The following ATXN2 variants were observed in gnomAD, a reference collection of about 807,000 sequenced individuals.
ATXN2 encodes the protein ataxin-2.
A neutral mutation model predicts 138.6 loss-of-function variants in ATXN2; 37 were observed. The observed-to-expected ratio is 0.27, with a 90% CI of 0.21 to 0.35. The LOEUF (loss-of-function observed/expected upper bound fraction) is 0.35, where lower values mean the gene tolerates loss of function less well. ATXN2 is among the 10% of genes least tolerant of loss of function. The pLI, the probability that ATXN2 is intolerant of heterozygous loss-of-function variation, is 1.00. For missense variants in ATXN2, 1,216 were observed against 1,480.3 expected (o/e 0.82, Z 2.93); for synonymous variants, 549 against 543.7 (o/e 1.01, Z -0.13).
chr12:111,591,258 C>T (rs577378792), intron 1 of ATXN2, among the ~76,000 whole-genome samples: 1 of 152,244 alleles, frequency 6.6e-6, no homozygotes, highest in African/African-American at 2.4e-5. Context: ...AAACCGGTCC[C>T]TAGTGTTAAA....
chr12:111,454,072 C>T, intron 23 of ATXN2: 2 of 483,632 alleles, frequency 4.1e-6, no homozygotes, highest in Non-Finnish European at 7.3e-6. Flanking sequence ...AACAAGTGAG[C>T]CTGGGTAGAA....
At chr12:111,465,224 A>C (rs1875904420) in intron 20 of ATXN2, among the ~76,000 whole-genome samples, 1 of 152,132 alleles carries the variant, frequency 6.6e-6, no homozygotes, top group South Asian at 2.1e-4. Flanking sequence ...GTGTATTTAA[A>C]TACACCTGGA....
intron 14 of ATXN2, among the ~76,000 whole-genome samples, chr12:111,491,616 C>T (rs1226649317): frequency 6.6e-6 from 1 of 152,202 alleles, no homozygotes; most frequent in Non-Finnish European, 1.5e-5. Context: ...GGCCATAGCT[C>T]CCAGATGACA....
At chr12:111,567,190 C>A (rs1237515184) in intron 1 of ATXN2, among the ~76,000 whole-genome samples, 1 of 152,086 alleles carries the variant, frequency 6.6e-6, no homozygotes, top group African/African-American at 2.4e-5. Context: ...GTTGAAATGA[C>A]AACAAAAGAT....
Position 111,453,177 on chromosome 12 carries a change from C to T in ATXN2, c.3440-337G>A. On this transcript the variant is annotated intron_variant, in intron 24 of 24. Transcript: ENST00000673436. This position sits in a 1 kb window ranked among gnomAD's most constrained non-coding sequence, Gnocchi z 5.4. ...GTCAGACTGTGAAGTATCGCCATGG[C>T]AGCCATCAAGTAGTAGAGCACAATC... 8.8e-7 allele frequency: 1 copy of T among 1,135,124 alleles called. No individual in the cohort carries two copies. The highest frequency in any genetic ancestry group is 1.1e-6 in the Non-Finnish European group (1 of 924,754). 70.3% of individuals were successfully genotyped at this position (1,135,124 alleles called of 1,614,324 possible). A position where few individuals can be genotyped will look rare whatever the true frequency, so the allele number is the denominator to read the frequency against.
chr12:111,503,666 T>C (rs1341466715), intron 14 of ATXN2, among the ~76,000 whole-genome samples: 2 of 151,994 alleles, frequency 1.3e-5, no homozygotes, highest in African/African-American at 4.8e-5. Context: ...CTCGGATCAC[T>C]GCAACCTCCA....
chr12:111,495,201 G>C (rs1878333745), intron 14 of ATXN2, among the ~76,000 whole-genome samples: 1 of 151,878 alleles, frequency 6.6e-6, no homozygotes, highest in South Asian at 2.1e-4. Context: ...CCAGCTACTT[G>C]GGAGGCTGAG....
intron 21 of ATXN2, chr12:111,458,154 T>C (rs1326949762): frequency 1.3e-5 from 2 of 150,164 alleles, no homozygotes; most frequent in East Asian, 3.9e-4. Context: ...TTTTTGTTTT[T>C]TGTTTTTTTT....
chr12:111,488,647 C>T lies in ATXN2; in HGVS notation c.2069G>A (p.Ser690Asn), dbSNP rs757935641. The T allele has an allele frequency of 1.2e-5, 19 of 1,614,134 alleles. No homozygotes were observed. Among genetic ancestry groups the T allele is most frequent in the Non-Finnish European group, 1.5e-5 (18 of 1,180,006 alleles). Residue 690 changes from serine to asparagine, a missense_variant, in exon 15 of 25, where the codon AGC becomes AAC. Physicochemically the swap from Ser to Asn is conservative, Grantham distance 46 (BLOSUM62 1). Transcript: ENST00000673436. ...AKDSFIENSSSNCTSGSSKPN... is the reference protein window; with the variant it reads ...AKDSFIENSSNNCTSGSSKPN... ...CTTGCTGCTGCCACTGGTACAGTTG[C>T]TGCTGCTATTTTCAATGAAAGAATC...
At chr12:111,475,029 C>A (rs890328322) in intron 18 of ATXN2, among the ~76,000 whole-genome samples, 1 of 151,968 alleles carries the variant, frequency 6.6e-6, no homozygotes, top group South Asian at 2.1e-4. Context: ...CTGGCTAACA[C>A]GGTGAAACCC....
chr12:111,518,282 T>C lies in ATXN2; in HGVS notation c.1132A>G (p.Asn378Asp). 1 of 1,610,178 alleles carries C rather than the reference T, an allele frequency of 6.2e-7. No individual in the cohort carries two copies. Among genetic ancestry groups the C allele is most frequent in the South Asian group, 1.1e-5 (1 of 90,436 alleles). The change falls in exon 9 of 25, where the codon AAT becomes GAT. Residue 378 changes from asparagine to aspartate, a missense_variant. Asn to Asp is a conservative substitution (Grantham distance 23, BLOSUM62 1). This residue lies in a region of ATXN2 where 401 missense variants were observed against 528.1 expected (regional missense o/e 0.76). Transcript: ENST00000673436. ...STSHTSDFNP[N>D]SGSDQRVVNG... ...ACTACTCTTTGGTCTGAACCAGAAT[T>C]CGGGTTGAAATCTGAAGTGTGAGAA... is the stretch of plus-strand genomic sequence containing the variant.
intron 20 of ATXN2, among the ~76,000 whole-genome samples, chr12:111,465,625 C>T (rs1170942988): frequency 1.3e-5 from 2 of 151,712 alleles, no homozygotes; most frequent in African/African-American, 4.8e-5. Flanking sequence ...CAAAAATTGG[C>T]CGGTCGTGGT....
chr12:111,554,459 C>T (rs1377214437), intron 2 of ATXN2, among the ~76,000 whole-genome samples: 1 of 152,052 alleles, frequency 6.6e-6, no homozygotes, highest in Non-Finnish European at 1.5e-5. Flanking sequence ...TTATTTGTTG[C>T]AAAATGTTTA....
intron 1 of ATXN2, among the ~76,000 whole-genome samples, chr12:111,561,369 C>T (rs1882678621): frequency 6.6e-6 from 1 of 151,648 alleles, no homozygotes; most frequent in African/African-American, 2.4e-5. Flanking sequence ...TGGCAGGCGC[C>T]TATAATCCCA....
chr12:111,534,729 G>A (rs981155845), intron 5 of ATXN2, among the ~76,000 whole-genome samples: 2 of 152,178 alleles, frequency 1.3e-5, no homozygotes, highest in African/African-American at 2.4e-5. Context: ...AGTGGAGTAA[G>A]TAGGGAGCTA....
rs963302551 is a variant in ATXN2, at chr12:111,541,793, T to A, written c.571+10487A>T. Among the ~76,000 whole-genome samples, 30 of 148,098 alleles carry A rather than the reference T, an allele frequency of 2.0e-4. No homozygotes were observed. The East Asian group carries it at 2.5e-3, about 12-fold the overall frequency. ...CAAAAACGGATATATATATATATAT[T>A]ATAAAAATTTTTTTTTTTTTGAGAT... On this transcript the variant is annotated intron_variant, in intron 5 of 24. Coordinates refer to ENST00000673436, the MANE Select transcript of ATXN2 (RefSeq NM_001372574.1).
At chr12:111,471,683 T>C (rs1876423253) in intron 18 of ATXN2, 1 of 152,020 alleles carries the variant, frequency 6.6e-6, no homozygotes, top group Non-Finnish European at 1.5e-5. Context: ...TATTATTTTA[T>C]CTATGTAGGA....
chr12:111,547,287 C>G (rs1881845781), intron 5 of ATXN2, among the ~76,000 whole-genome samples: 1 of 152,030 alleles, frequency 6.6e-6, no homozygotes, highest in African/African-American at 2.4e-5. Context: ...ATTAGCTGGG[C>G]ATGGTGGCAG....
chr12:111,591,054 T>TA (rs1486565587), intron 1 of ATXN2, among the ~76,000 whole-genome samples: 1 of 151,948 alleles, frequency 6.6e-6, no homozygotes. Flanking sequence ...CGCGCCCAGC[T>TA]AATTTTTTTG....
Sources: allele counts gnomAD v4.1 joint callset (sites outside exome capture counted in the v4.1 genomes callset), GRCh38; gene constraint gnomAD v4.1.1; regional missense constraint gnomAD v4.1.1; non-coding constraint Gnocchi (gnomAD v3.1); transcripts MANE v1.5; gene names NCBI Gene and HGNC (gene_info 2026-07-23, HGNC 2026-07-21).